PTPRD: variants seen among roughly 807,000 people sequenced by gnomAD.
PTPRD encodes the protein protein tyrosine phosphatase receptor type D, also known as receptor-type tyrosine-protein phosphatase delta.
In PTPRD, 34 loss-of-function variants were observed where a neutral mutation model predicts 214.5. The observed-to-expected ratio is 0.16, with a 90% confidence interval of 0.12 to 0.21. PTPRD has a LOEUF of 0.21. PTPRD is among the 10% of genes least tolerant of loss of function. The probability of loss-of-function intolerance (pLI) is 1.00; values close to 1 mark genes in which losing one functional copy is unlikely to be tolerated. For missense variants in PTPRD, 2,545 were observed against 2,398.7 expected (o/e 1.06, Z -1.27); for synonymous variants, 1,128 against 845.7 (o/e 1.33, Z -5.79).
intron 11 of PTPRD, among the ~76,000 whole-genome samples, chr9:8,980,906 C>A (rs527836134): frequency 6.6e-6 from 1 of 151,940 alleles, no homozygotes; most frequent in Non-Finnish European, 1.5e-5. Context: ...TTTTTTCAGG[C>A]CAAAATTCCA....
intron 11 of PTPRD, among the ~76,000 whole-genome samples, chr9:8,942,653 C>G (rs1345076737): frequency 6.6e-6 from 1 of 151,006 alleles, no homozygotes; most frequent in Non-Finnish European, 1.5e-5. Context: ...ATACAGGGGT[C>G]AAAGCTAATT....
At chr9:10,500,795 G>A (rs1167081783) in intron 2 of PTPRD, among the ~76,000 whole-genome samples, 1 of 151,910 alleles carries the variant, frequency 6.6e-6, no homozygotes, top group Admixed American at 6.6e-5. Flanking sequence ...GCAAGGACAT[G>A]AGAAGTGTGT....
chr9:10,144,848 A>G (rs953009414), intron 3 of PTPRD, among the ~76,000 whole-genome samples: 1 of 152,132 alleles, frequency 6.6e-6, no homozygotes, highest in Non-Finnish European at 1.5e-5. Flanking sequence ...TGGTTTATAC[A>G]TTTCTGGGAT....
intron 9 of PTPRD, among the ~76,000 whole-genome samples, chr9:9,356,421 T>A (rs2053811321): frequency 6.6e-6 from 1 of 151,272 alleles, no homozygotes. Flanking sequence ...CCCATCACAG[T>A]CTATTGTATA....
At chr9:10,355,300 G>T (rs192331889) in intron 2 of PTPRD, among the ~76,000 whole-genome samples, 1 of 151,970 alleles carries the variant, frequency 6.6e-6, no homozygotes, top group Non-Finnish European at 1.5e-5. Context: ...GCTATTTTTG[G>T]TCAACTAAAT....
At chr9:10,408,012 A>G (rs1182279039) in intron 2 of PTPRD, among the ~76,000 whole-genome samples, 1 of 151,574 alleles carries the variant, frequency 6.6e-6, no homozygotes, top group African/African-American at 2.4e-5. Context: ...TTACATGTGT[A>G]TACATATCAC....
chr9:9,499,051 A>G (rs2096303201), intron 8 of PTPRD, among the ~76,000 whole-genome samples: 1 of 152,002 alleles, frequency 6.6e-6, no homozygotes, highest in African/African-American at 2.4e-5. Flanking sequence ...CATTGTAGCC[A>G]TTATTTAAGA....
intron 11 of PTPRD, among the ~76,000 whole-genome samples, chr9:8,773,437 G>A (rs1043594338): frequency 1.3e-5 from 2 of 152,080 alleles, no homozygotes; most frequent in East Asian, 1.9e-4. Flanking sequence ...CATGGTACTC[G>A]CTTGTTGGTT....
intron 2 of PTPRD, among the ~76,000 whole-genome samples, chr9:10,546,814 C>T (rs1008981): frequency 0.71 from 107,873 of 151,964 alleles, 39,656 homozygotes; most frequent in Non-Finnish European, 0.82. Flanking sequence ...AAAACTTCAA[C>T]GGCCAGATAG....
chr9:8,488,525 C>A (rs1175147557), intron 27 of PTPRD, among the ~76,000 whole-genome samples: 3 of 152,184 alleles, frequency 2.0e-5, no homozygotes, highest in Admixed American at 1.3e-4. Flanking sequence ...GGAACCACAT[C>A]ATTGTGTACT....
chr9:9,565,476 C>T lies in PTPRD; in HGVS notation c.-237+9256G>A, dbSNP rs140268676. On this transcript the variant is annotated intron_variant, in intron 8 of 45. Coordinates refer to ENST00000381196, the MANE Select transcript of PTPRD (RefSeq NM_002839.4). ...ATAAAAATCCTTTTTATTTTGATAC[C>T]TCACAATCTGAATGCAGAATGATGA... 3.1e-3 allele frequency among the ~76,000 whole-genome samples: 465 copies of T among 151,684 alleles called. 2 individuals are homozygous for T. Among genetic ancestry groups the T allele is most frequent in the African/African-American group, 0.011 (440 of 41,422 alleles).
At chr9:8,516,283 G>A (rs1483455952) in intron 21 of PTPRD, among the ~76,000 whole-genome samples, 1 of 152,072 alleles carries the variant, frequency 6.6e-6, no homozygotes, top group African/African-American at 2.4e-5. Context: ...AATAAATACA[G>A]AAGTACTGCA....
intron 9 of PTPRD, among the ~76,000 whole-genome samples, chr9:9,359,924 T>C (rs1243921420): frequency 6.6e-6 from 1 of 151,298 alleles, no homozygotes; most frequent in East Asian, 1.9e-4. Context: ...GTAGAAAGAA[T>C]TCCATTTCAA....
chr9:9,277,043 G>A (rs899510751), intron 9 of PTPRD, among the ~76,000 whole-genome samples: 1 of 151,252 alleles, frequency 6.6e-6, no homozygotes, highest in African/African-American at 2.4e-5. Context: ...ACTGTATCTA[G>A]TACATGCTCT....
chr9:9,671,163 T>C (rs1032285705), intron 7 of PTPRD, among the ~76,000 whole-genome samples: 56 of 152,150 alleles, frequency 3.7e-4, no homozygotes, highest in Non-Finnish European at 7.6e-4. Context: ...ACCTCTTGCA[T>C]ACAGTGACCT....
chr9:9,175,729 G>A (rs569033765), intron 10 of PTPRD, among the ~76,000 whole-genome samples: 26 of 150,972 alleles, frequency 1.7e-4, no homozygotes, highest in African/African-American at 3.9e-4. Context: ...TGTGTGATCC[G>A]ATTGTATTAC....
At chr9:8,416,554 C>G (rs1445399397) in intron 35 of PTPRD, among the ~76,000 whole-genome samples, 1 of 152,106 alleles carries the variant, frequency 6.6e-6, no homozygotes. Context: ...CTGTAGGACT[C>G]AACACTCTGG....
At chr9:9,491,353 C>G (rs143055420) in intron 8 of PTPRD, among the ~76,000 whole-genome samples, 3 of 151,772 alleles carry the variant, frequency 2.0e-5, no homozygotes, top group Non-Finnish European at 4.4e-5. Context: ...TAGTTGGGGA[C>G]TTTAATAGTC....
At chr9:10,409,846 C>T (rs78062523) in intron 2 of PTPRD, among the ~76,000 whole-genome samples, 3,891 of 151,694 alleles carry the variant, frequency 0.026, 105 homozygotes, top group East Asian at 0.095. Context: ...ACCACAATAC[C>T]AGCCATGTGA....
Sources: allele counts gnomAD v4.1 joint callset (sites outside exome capture counted in the v4.1 genomes callset), GRCh38; gene constraint gnomAD v4.1.1; transcripts MANE v1.5; gene names NCBI Gene and HGNC (gene_info 2026-07-23, HGNC 2026-07-21).